Variants in ATP8B4 observed in about 807,000 individuals in gnomAD.
The protein encoded by ATP8B4 is probable phospholipid-transporting ATPase IM.
A neutral mutation model predicts 145.6 loss-of-function variants in ATP8B4; 133 were observed. The observed-to-expected ratio is 0.91, with a 90% confidence interval of 0.79 to 1.05. The LOEUF is 1.05. Ranked by LOEUF, ATP8B4 falls within the 50% of genes least tolerant of loss-of-function variation. The probability of loss-of-function intolerance (pLI) is 0.00; values close to 1 mark genes in which losing one functional copy is unlikely to be tolerated. For synonymous variants in ATP8B4, 507 were observed against 492.9 expected, an observed-to-expected ratio of 1.03 and a Z score of -0.38; for missense variants, 1,458 against 1,425.2, an observed-to-expected ratio of 1.02 and a Z score of -0.37.
At chr15:49,959,197 C>T (rs568930609) in intron 14 of ATP8B4, among the ~76,000 whole-genome samples, 20 of 151,594 alleles carry the variant, frequency 1.3e-4, no homozygotes, top group African/African-American at 3.9e-4. Context: ...AATATATCCA[C>T]GGAAGAAAAA....
intron 12 of ATP8B4, among the ~76,000 whole-genome samples, chr15:49,973,107 A>G (rs2045325570): frequency 1.3e-5 from 2 of 152,156 alleles, no homozygotes; most frequent in South Asian, 2.1e-4. Context: ...GTCTCCTCCT[A>G]TAAGATACGG....
chr15:49,901,106 T>C lies in ATP8B4; in HGVS notation c.2275A>G (p.Asn759Asp), dbSNP rs752881399. The change falls in exon 21 of 28, where the codon AAT (asparagine) becomes GAT (aspartate). Residue 759 changes from asparagine (N) to aspartate (D), a missense_variant. Coordinates refer to ENST00000284509, the MANE Select transcript of ATP8B4 (RefSeq NM_024837.4). ...TITGDYALII[N>D]GHSLAHALES... The stretch of plus-strand genomic sequence containing the variant: ...GGCAAACTCACCAAACTGTGGCCAT[T>C]TATGATTAAGGCATAATCTCCTGTT... 2.5e-6 allele frequency: 4 copies of C among 1,612,616 alleles called. No individual in the cohort carries two copies. The African/African-American group carries it at 4.0e-5, about 16-fold the overall frequency.
intron 14 of ATP8B4, among the ~76,000 whole-genome samples, chr15:49,948,494 G>C (rs1440128679): frequency 6.6e-6 from 1 of 152,038 alleles, no homozygotes; most frequent in African/African-American, 2.4e-5. Flanking sequence ...AGAGTGAAAA[G>C]GCAACTTATG....
intron 5 of ATP8B4, among the ~76,000 whole-genome samples, chr15:50,040,339 C>T (rs1332847893): frequency 2.0e-5 from 3 of 152,240 alleles, no homozygotes; most frequent in African/African-American, 7.2e-5. Context: ...GTCACTCCTT[C>T]ATTCCTTTGC....
chr15:50,159,713 C>CA (rs2044486029), intron 1 of ATP8B4, among the ~76,000 whole-genome samples: 1 of 152,112 alleles, frequency 6.6e-6, no homozygotes. Context: ...AATGCTTTTT[C>CA]ACCATCAACT....
chr15:50,138,514 T>C (rs2044163188), intron 1 of ATP8B4, among the ~76,000 whole-genome samples: 1 of 152,184 alleles, frequency 6.6e-6, no homozygotes, highest in South Asian at 2.1e-4. Flanking sequence ...ATCTGCTCAG[T>C]CATTGGTTAC....
At chr15:49,999,183 A>G (rs1291596215) in intron 8 of ATP8B4, among the ~76,000 whole-genome samples, 1 of 152,104 alleles carries the variant, frequency 6.6e-6, no homozygotes, top group Non-Finnish European at 1.5e-5. Context: ...GCACATATAC[A>G]CCATGGAATA....
At chr15:50,029,120 C>G (rs1314814954) in intron 6 of ATP8B4, among the ~76,000 whole-genome samples, 1 of 151,058 alleles carries the variant, frequency 6.6e-6, no homozygotes, top group Non-Finnish European at 1.5e-5. Flanking sequence ...GTAGTCCCAG[C>G]TACTCGGGAG....
At chr15:50,129,837 A>C (rs1250202725) in intron 1 of ATP8B4, among the ~76,000 whole-genome samples, 1 of 152,036 alleles carries the variant, frequency 6.6e-6, no homozygotes, top group Non-Finnish European at 1.5e-5. Context: ...AGTCCCAGCT[A>C]CTTGGGAAGC....
rs79683190 is a variant in ATP8B4 at position 49,965,407 on chromosome 15, G to A, written c.1244-3387C>T. Among the ~76,000 whole-genome samples the A allele has an allele frequency of 4.0e-3, 612 of 152,260 alleles. 14 individuals are homozygous for A. Among genetic ancestry groups the A allele is most frequent in the East Asian group, 0.014 (72 of 5,176 alleles). On this transcript the variant is annotated intron_variant, in intron 13 of 27. Transcript: ENST00000284509. ...CTCCTGAGATTTCTGTATTGAGAAA[G>A]TGGACACTCAGAATCCCATGAAGGG...
chr15:49,890,892 G>C (rs924274196), intron 23 of ATP8B4, among the ~76,000 whole-genome samples: 2 of 152,196 alleles, frequency 1.3e-5, no homozygotes, highest in Admixed American at 1.3e-4. Context: ...GGGAACACCA[G>C]AGTTTCCAGC....
At chr15:49,963,619 A>T (rs564785177) in intron 13 of ATP8B4, among the ~76,000 whole-genome samples, 19 of 152,182 alleles carry the variant, frequency 1.2e-4, no homozygotes, top group Non-Finnish European at 2.2e-4. Context: ...GGACATGGAT[A>T]GAGCTGGAAT....
chr15:50,154,357 T>C lies in ATP8B4; in HGVS notation c.-43+27904A>G, dbSNP rs1595653139. On this transcript the variant is annotated intron_variant, in intron 1 of 3. Coordinates refer to the ATP8B4 transcript ENST00000558829. ...TGTTCTATCTTGTTTTTATTTCCTT[T>C]CTAAATCCATATATTGAAACAAATT... 2.0e-5 allele frequency among the ~76,000 whole-genome samples: 3 copies of C among 152,282 alleles called. No individual in the cohort carries two copies. The South Asian group carries it at 6.2e-4, about 32-fold the overall frequency.
At chr15:49,928,085 C>T (rs1002934844) in intron 16 of ATP8B4, among the ~76,000 whole-genome samples, 1 of 152,060 alleles carries the variant, frequency 6.6e-6, no homozygotes, top group Non-Finnish European at 1.5e-5. Context: ...TTATAGAAAA[C>T]TTATCATGTG....
At chr15:49,929,720 G>A (rs2041081983) in intron 16 of ATP8B4, among the ~76,000 whole-genome samples, 1 of 151,980 alleles carries the variant, frequency 6.6e-6, no homozygotes, top group African/African-American at 2.4e-5. Context: ...AATGGGACAA[G>A]AAGAGAAACA....
Position 50,107,006 on chromosome 15 carries a change from T to C in ATP8B4, c.-40A>G. The C allele has an allele frequency of 3.3e-6, 5 of 1,537,438 alleles. No homozygotes were observed. The highest frequency in any genetic ancestry group is 4.4e-6 in the Non-Finnish European group (5 of 1,148,010). On this transcript the variant is annotated splice_region_variant and 5_prime_UTR_variant, in exon 2 of 28. Coordinates refer to ENST00000284509, the MANE Select transcript of ATP8B4 (RefSeq NM_024837.4). ...TTTCACCAGGTCTCAACAGGTGGCC[T>C]ACCTAAGAAAAAGAAGTATGCATAT... is the stretch of plus-strand genomic sequence containing the variant.
chr15:49,979,212 G>A (rs1288051641), intron 12 of ATP8B4, among the ~76,000 whole-genome samples: 2 of 152,112 alleles, frequency 1.3e-5, no homozygotes, highest in Non-Finnish European at 2.9e-5. Flanking sequence ...GAGCTAGTAA[G>A]TGGTAGAATA....
At chr15:50,075,009 T>C (rs2054085007) in intron 2 of ATP8B4, among the ~76,000 whole-genome samples, 1 of 152,176 alleles carries the variant, frequency 6.6e-6, no homozygotes, top group Non-Finnish European at 1.5e-5. Context: ...ATGTCAATGC[T>C]GGATTCTCAT....
At chr15:50,117,611 T>G (rs893898113) in intron 1 of ATP8B4, among the ~76,000 whole-genome samples, 7 of 152,042 alleles carry the variant, frequency 4.6e-5, no homozygotes, top group Non-Finnish European at 1.5e-5. Context: ...TCAAAAAAAG[T>G]GAAAACAGAT....
Sources: allele counts gnomAD v4.1 joint callset (sites outside exome capture counted in the v4.1 genomes callset), GRCh38; gene constraint gnomAD v4.1.1; transcripts MANE v1.5; gene names NCBI Gene and HGNC (gene_info 2026-07-23, HGNC 2026-07-21).